The following NFAT5 variants were observed in gnomAD, a reference collection of about 807,000 sequenced individuals.
NFAT5 encodes the protein nuclear factor of activated T cells 5.
NFAT5 carries 31 observed loss-of-function variants against 166.5 expected under a neutral mutation model. The ratio of observed to expected loss-of-function variants is 0.19; its 90% confidence interval spans 0.14 to 0.25. NFAT5 has a LOEUF of 0.25. NFAT5 is among the 10% of genes least tolerant of loss of function. NFAT5 has a pLI of 1.00. For missense variants in NFAT5, 1,449 were observed against 1,821.8 expected (o/e 0.80, Z 3.72); for synonymous variants, 612 against 639.7 (o/e 0.96, Z 0.65).
At chr16:69,602,511 G>A (rs781456135) in intron 2 of NFAT5, among the ~76,000 whole-genome samples, 12 of 151,168 alleles carry the variant, frequency 7.9e-5, no homozygotes, top group Non-Finnish European at 1.2e-4. Context: ...CAGGTGATCC[G>A]CCACCTCAGC....
Position 69,684,982 on chromosome 16 carries a change from ATTC to A in NFAT5, c.1774+17_1774+19del. Reference sequence around the variant, plus strand: ...AGAGGCCATGAAAGGTACCAAGTAAATTCTTCTCAAAAATCGTAATTGGGTGCT... The same window carrying A: ...AGAGGCCATGAAAGGTACCAAGTAAATTCTCAAAAATCGTAATTGGGTGCT... On this transcript the variant is annotated intron_variant, in intron 11 of 14. Transcript: ENST00000349945. 6.3e-7 allele frequency: 1 copy of A among 1,594,784 alleles called. No individual in the cohort carries two copies. The highest frequency in any genetic ancestry group is 8.6e-7 in the Non-Finnish European group (1 of 1,168,016).
intron 2 of NFAT5, among the ~76,000 whole-genome samples, chr16:69,617,589 C>A (rs2034012844): frequency 6.6e-6 from 1 of 151,604 alleles, no homozygotes. Flanking sequence ...CTCCTGGGCT[C>A]AAGCAGTCCT....
At chr16:69,613,103 C>T (rs1204339350) in intron 2 of NFAT5, among the ~76,000 whole-genome samples, 2 of 152,154 alleles carry the variant, frequency 1.3e-5, no homozygotes, top group Admixed American at 6.5e-5. Context: ...TTTTCCCAAG[C>T]CAGAGTTCTA....
Position 69,693,042 on chromosome 16 carries a change from C to G in NFAT5, c.3217C>G (p.Leu1073Val). Reference protein sequence around the residue: ...LFQQGNEMMSLQSGNFLQQSS... With the variant: ...LFQQGNEMMSVQSGNFLQQSS... Reference sequence around the variant, plus strand: ...CCAGCAAGGGAATGAGATGATGTCACTTCAATCTGGAAATTTTTTGCAGCA... The same window carrying G: ...CCAGCAAGGGAATGAGATGATGTCAGTTCAATCTGGAAATTTTTTGCAGCA... Residue 1073 changes from leucine (L) to valine (V), a missense_variant, in exon 13 of 15, where the codon CTT (leucine) becomes GTT (valine). This residue lies in a region of NFAT5 where 891 missense variants were observed against 993.0 expected (regional missense o/e 0.90). Coordinates refer to ENST00000349945, the MANE Select transcript of NFAT5 (RefSeq NM_138713.4). The G allele has an allele frequency of 6.2e-7, 1 of 1,614,020 alleles. No individual in the cohort carries two copies.
chr16:69,653,090 T>C (rs975852267), intron 4 of NFAT5, 146 bp from the exon 5 acceptor site: 4 of 542,900 alleles, frequency 7.4e-6, no homozygotes, highest in Non-Finnish European at 1.2e-5. Flanking sequence ...TATCTTCCTT[T>C]AGGCAATATT....
intron 2 of NFAT5, among the ~76,000 whole-genome samples, chr16:69,578,256 C>T (rs1272861137): frequency 4.6e-5 from 7 of 152,192 alleles, no homozygotes. Flanking sequence ...CAAGGGACGA[C>T]TGTACTCCGA....
chr16:69,600,696 A>G (rs2033080845), intron 2 of NFAT5, among the ~76,000 whole-genome samples: 1 of 146,546 alleles, frequency 6.8e-6, no homozygotes, highest in African/African-American at 2.5e-5. Context: ...TGATAGATAC[A>G]GGATAGTAGC....
In NFAT5 at chr16:69,692,041, T is replaced by G. The variant is rs747056408; in HGVS notation, c.2216T>G (p.Ile739Arg). ...ACAAGAGAAACTCAGTCTAGAGAGA[T>G]ATTACAGTCAGATGGTACAGTGGTT... Reference protein sequence around the residue: ...FQTRETQSREILQSDGTVVNL... With the variant: ...FQTRETQSRERLQSDGTVVNL... Residue 739 changes from isoleucine to arginine, a missense_variant, in exon 13 of 15, where the codon ATA (isoleucine) becomes AGA (arginine). This residue lies in a region of NFAT5 where 891 missense variants were observed against 993.0 expected (regional missense o/e 0.90). Transcript: ENST00000349945. 24 of 1,614,134 alleles carry G rather than the reference T, an allele frequency of 1.5e-5. No individual in the cohort carries two copies. In the South Asian group the frequency reaches 2.4e-4, roughly 16 times the overall value.
chr16:69,647,395 T>C lies in NFAT5; in HGVS notation c.621T>C (p.Ser207=). ...CCAACTTCAGTAACATGAGCACCAGTTCCTACAATGATAACACTGAGGTAC... is the reference window on the plus strand; with the variant it reads ...CCAACTTCAGTAACATGAGCACCAGCTCCTACAATGATAACACTGAGGTAC... ...SPSNFSNMST[S]SYNDNTEVPR... is the part of the protein sequence containing the mutation. Residue 207 remains serine (S), a synonymous_variant, in exon 4 of 15, where the codon AGT becomes AGC. Coordinates refer to ENST00000349945, the MANE Select transcript of NFAT5 (RefSeq NM_138713.4). The surrounding 1 kb of genome is among the most constrained non-coding windows in gnomAD (Gnocchi z 4.8). The C allele has an allele frequency of 6.2e-7, 1 of 1,614,164 alleles. No homozygotes were observed. Among genetic ancestry groups the C allele is most frequent in the Non-Finnish European group, 8.5e-7 (1 of 1,180,028 alleles).
At position 69,566,064 on chromosome 16, in the gene NFAT5, G is replaced by C; in HGVS notation, c.-238G>C. 2.8e-6 allele frequency: 1 copy of C among 359,058 alleles called. No homozygotes were observed. The highest frequency in any genetic ancestry group is 5.1e-6 in the Non-Finnish European group (1 of 195,406). 22.2% of individuals were successfully genotyped at this position (359,058 alleles called of 1,614,324 possible). On this transcript the variant is annotated 5_prime_UTR_variant, in exon 1 of 15. Coordinates refer to ENST00000349945, the MANE Select transcript of NFAT5 (RefSeq NM_138713.4). The surrounding 1 kb of genome is among the most constrained non-coding windows in gnomAD (Gnocchi z 5.7). ...TTGGCTCTCCCCCTTCCCCTTCCCC[G>C]TCCTGAACCCCTCTCCTGGTCACCG...
intron 3 of NFAT5, among the ~76,000 whole-genome samples, chr16:69,642,747 G>A (rs1567567329): frequency 6.6e-6 from 1 of 151,804 alleles, no homozygotes; most frequent in Non-Finnish European, 1.5e-5. Context: ...AACCCGGGAG[G>A]TGGAGGTTGC....
intron 2 of NFAT5, among the ~76,000 whole-genome samples, chr16:69,611,010 G>A (rs1394884547): frequency 6.6e-6 from 1 of 152,136 alleles, no homozygotes; most frequent in East Asian, 1.9e-4. Flanking sequence ...CTATGCACAC[G>A]AAATGAACAA....
At chr16:69,686,333 A>G (rs1332090290) in intron 11 of NFAT5, among the ~76,000 whole-genome samples, 1 of 152,026 alleles carries the variant, frequency 6.6e-6, no homozygotes, top group Non-Finnish European at 1.5e-5. Context: ...AGCCTGGGCA[A>G]CAGAGCGGGA....
chr16:69,604,618 A>C (rs1467221198), intron 2 of NFAT5, among the ~76,000 whole-genome samples: 2 of 152,148 alleles, frequency 1.3e-5, no homozygotes, highest in African/African-American at 4.8e-5. Flanking sequence ...ACAATAAATC[A>C]ATCATTTTAA....
intron 1 of NFAT5, 41 bp from the exon 2 acceptor site, chr16:69,568,454 A>G: frequency 6.3e-7 from 1 of 1,583,678 alleles, no homozygotes; most frequent in South Asian, 1.1e-5. Context: ...TTTTTTCCTC[A>G]TTCAGCATAA....
chr16:69,582,413 A>G (rs946948283), intron 2 of NFAT5, among the ~76,000 whole-genome samples: 6 of 152,052 alleles, frequency 3.9e-5, no homozygotes, highest in African/African-American at 1.4e-4. Context: ...CTTTGGTGTC[A>G]TATTTTAAAA....
Position 69,693,632 on chromosome 16 carries a change from GCAGCAGCAGCAA to G in NFAT5, c.3834_3845del (p.Gln1281_Gln1284del), listed in dbSNP as rs747731827. 3.2e-4 allele frequency: 520 copies of G among 1,614,044 alleles called. No individual in the cohort carries two copies. Among genetic ancestry groups the G allele is most frequent in the Middle Eastern group, 1.3e-3 (8 of 6,062 alleles). On this transcript the variant is annotated inframe_deletion, in exon 13 of 15. Transcript: ENST00000349945. ...GTAACTCTCCATCCCAGGAACAGCA[GCAGCAGCAGCAA>G]CAGCAGCAGCAACAGCAGCAGCAAC... is the stretch of plus-strand genomic sequence containing the variant.
In NFAT5 at chr16:69,695,363, T is replaced by G. The variant is rs1439877704; in HGVS notation, c.4642T>G (p.Ser1548Ala). Residue 1548 changes from serine to alanine, a missense_variant, in exon 14 of 15, where the codon TCC becomes GCC. Physicochemically the swap from Ser to Ala is moderately conservative, Grantham distance 99. Transcript: ENST00000349945. ...AAACCAAGGGAACAACTTGACTGGCTCCTTTTAACTGGATATGTAAGTATT... is the reference window on the plus strand; with the variant it reads ...AAACCAAGGGAACAACTTGACTGGCGCCTTTTAACTGGATATGTAAGTATT... The part of the protein sequence containing the change: ...LQNQGNNLTG[S>A]F The G allele has an allele frequency of 3.7e-6, 6 of 1,611,452 alleles. No homozygotes were observed. Among genetic ancestry groups the G allele is most frequent in the Non-Finnish European group, 5.1e-6 (6 of 1,177,654 alleles).
At chr16:69,609,060 G>T (rs1279121365) in intron 2 of NFAT5, among the ~76,000 whole-genome samples, 1 of 151,642 alleles carries the variant, frequency 6.6e-6, no homozygotes, top group Non-Finnish European at 1.5e-5. Flanking sequence ...GGCAGAGCTT[G>T]CAGTGAGCTA....
Sources: gnomAD v4.1 joint callset for allele counts (sites outside exome capture counted in the v4.1 genomes callset) on GRCh38, gnomAD v4.1.1 for gene constraint, gnomAD v4.1.1 regional missense constraint, Gnocchi (gnomAD v3.1) non-coding constraint, MANE v1.5 for transcripts, NCBI Gene and HGNC (gene_info 2026-07-23, HGNC 2026-07-21) for gene names.